TMEM132D: variants seen among roughly 807,000 people sequenced by gnomAD.
TMEM132D encodes the protein transmembrane protein 132D, also known as mature OL transmembrane protein.
In TMEM132D, 21 loss-of-function variants were observed where a neutral mutation model predicts 62.3. That is an observed-to-expected ratio of 0.34 (90% confidence interval 0.24 to 0.49). TMEM132D has a LOEUF of 0.49. Among genes scored for constraint, TMEM132D ranks in the 20% least tolerant of loss-of-function variants. TMEM132D has a pLI of 0.99. For missense variants in TMEM132D, 1,346 were observed against 1,402.8 expected (o/e 0.96, Z 0.65); for synonymous variants, 621 against 575.6 (o/e 1.08, Z -1.13).
chr12:129,874,901 T>A (rs1408472842), intron 1 of TMEM132D, among the ~76,000 whole-genome samples: 1 of 151,986 alleles, frequency 6.6e-6, no homozygotes, highest in Non-Finnish European at 1.5e-5. Context: ...GGTCTAGAAC[T>A]CCCGACCTCA....
intron 3 of TMEM132D, among the ~76,000 whole-genome samples, chr12:129,355,562 C>G (rs575146371): frequency 6.6e-6 from 1 of 152,224 alleles, no homozygotes; most frequent in Non-Finnish European, 1.5e-5. Context: ...AGTATCTGAA[C>G]GACCCTTTCC....
Position 129,073,617 on chromosome 12 carries a change from A to G in TMEM132D, c.*258T>C, listed in dbSNP as rs1273254880. 1 of 386,734 alleles carries G rather than the reference A, an allele frequency of 2.6e-6. No individual in the cohort carries two copies. Among genetic ancestry groups the G allele is most frequent in the African/African-American group, 2.1e-5 (1 of 48,466 alleles). The allele number at this position is 386,734 out of a possible 1,614,324, so 24.0% of individuals were successfully genotyped here. A position where few individuals can be genotyped will look rare whatever the true frequency, so the allele number is the denominator to read the frequency against. On this transcript the variant is annotated 3_prime_UTR_variant, in exon 9 of 9. Transcript: ENST00000422113. ...GCTCTCAGACGCTCAGTGATTCAGA[A>G]CTCGTTTTTGTTTCAAGTCTTAAAA...
In TMEM132D at chr12:129,356,698, A is replaced by T. The variant is rs183656124; in HGVS notation, c.1116-18881T>A. On this transcript the variant is annotated intron_variant, in intron 3 of 8. Coordinates refer to ENST00000422113, the MANE Select transcript of TMEM132D (RefSeq NM_133448.3). Reference sequence around the variant, plus strand: ...TAAATAAATAAATAAATAAATAAATAAAATAAAAATACAAAAATTAGCCAG... The same window carrying T: ...TAAATAAATAAATAAATAAATAAATTAAATAAAAATACAAAAATTAGCCAG... 4.9e-3 allele frequency among the ~76,000 whole-genome samples: 691 copies of T among 140,666 alleles called. 6 individuals carry two copies. Among genetic ancestry groups the T allele is most frequent in the African/African-American group, 0.017 (659 of 38,104 alleles). The allele number at this position is 140,666 out of a possible 152,430, so 92.3% of individuals were successfully genotyped here.
intron 5 of TMEM132D, among the ~76,000 whole-genome samples, chr12:129,129,907 A>G (rs936669119): frequency 6.6e-5 from 10 of 151,698 alleles, no homozygotes; most frequent in African/African-American, 2.2e-4. Context: ...ACATCCTCAT[A>G]TTTGCTTCTC....
At chr12:129,182,143 C>A (rs1363796575) in intron 5 of TMEM132D, among the ~76,000 whole-genome samples, 2 of 152,082 alleles carry the variant, frequency 1.3e-5, no homozygotes, top group African/African-American at 2.4e-5. Context: ...GAGTGGATCA[C>A]CTGGGGTCAG....
At chr12:129,392,545 C>A (rs1871315662) in intron 3 of TMEM132D, among the ~76,000 whole-genome samples, 1 of 152,198 alleles carries the variant, frequency 6.6e-6, no homozygotes, top group African/African-American at 2.4e-5. Flanking sequence ...CAACACCCTC[C>A]CTGTAAAAAA....
At chr12:129,653,541 C>A (rs145974401) in intron 2 of TMEM132D, among the ~76,000 whole-genome samples, 1,715 of 152,224 alleles carry the variant, frequency 0.011, 15 homozygotes, top group Middle Eastern at 0.044. Context: ...TCAGAGAAAC[C>A]AGCAGCGACT....
Position 129,530,992 on chromosome 12 carries a change from A to G in TMEM132D, c.1115+67T>C, listed in dbSNP as rs1243075686. ...GGAAATGGTTGTTAGCAATCTAGGA[A>G]AAAAAAAAAAAAATCAGGCCACATT... On this transcript the variant is annotated intron_variant, in intron 3 of 8. Transcript: ENST00000422113. 3 of 1,385,616 alleles carry G rather than the reference A, an allele frequency of 2.2e-6. No homozygotes were observed. The East Asian group carries it at 7.6e-5, about 35-fold the overall frequency. 85.8% of individuals were successfully genotyped at this position (1,385,616 alleles called of 1,614,324 possible).
At chr12:129,100,643 T>C (rs1253622037) in intron 5 of TMEM132D, among the ~76,000 whole-genome samples, 3 of 152,216 alleles carry the variant, frequency 2.0e-5, no homozygotes, top group Admixed American at 2.0e-4. Context: ...CAATAATTTT[T>C]TTCTGGAGTG....
intron 2 of TMEM132D, among the ~76,000 whole-genome samples, chr12:129,564,429 G>T (rs1445031763): frequency 6.6e-6 from 1 of 152,184 alleles, no homozygotes; most frequent in Non-Finnish European, 1.5e-5. Flanking sequence ...AATCATCTGG[G>T]ACAAGGTCAT....
At chr12:129,150,135 G>A (rs1253146799) in intron 5 of TMEM132D, among the ~76,000 whole-genome samples, 1 of 152,240 alleles carries the variant, frequency 6.6e-6, no homozygotes, top group Admixed American at 6.5e-5. Context: ...ACATATGTGG[G>A]TGCTGGGGCT....
At chr12:129,641,627 C>T (rs73157285) in intron 2 of TMEM132D, among the ~76,000 whole-genome samples, 22,337 of 152,184 alleles carry the variant, frequency 0.15, 2,096 homozygotes, top group Non-Finnish European at 0.21. Flanking sequence ...TCATGTTGGC[C>T]TAAGGTGGTT....
chr12:129,409,134 T>C (rs531150909), intron 3 of TMEM132D, among the ~76,000 whole-genome samples: 5 of 152,256 alleles, frequency 3.3e-5, no homozygotes, highest in African/African-American at 9.6e-5. Flanking sequence ...GGTTTCACCA[T>C]GTTGGCCAGG....
chr12:129,481,052 G>A (rs1190848966), intron 3 of TMEM132D, among the ~76,000 whole-genome samples: 1 of 152,054 alleles, frequency 6.6e-6, no homozygotes, highest in Non-Finnish European at 1.5e-5. Flanking sequence ...GAATCAGCCT[G>A]GGAAAGCACA....
chr12:129,696,003 T>C (rs1371096391), intron 2 of TMEM132D, among the ~76,000 whole-genome samples: 1 of 152,222 alleles, frequency 6.6e-6, no homozygotes, highest in Non-Finnish European at 1.5e-5. Context: ...ACATTTTACC[T>C]GAAATAGAAT....
At chr12:129,485,686 A>T (rs796294872) in intron 3 of TMEM132D, among the ~76,000 whole-genome samples, 1 of 152,210 alleles carries the variant, frequency 6.6e-6, no homozygotes. Context: ...CTCCACAGGA[A>T]CATGCCCCTT....
intron 5 of TMEM132D, among the ~76,000 whole-genome samples, chr12:129,199,134 G>A (rs1315178689): frequency 1.6e-5 from 2 of 127,592 alleles, no homozygotes; most frequent in African/African-American, 2.9e-5. Flanking sequence ...TTTTGAAACA[G>A]GGTCTCGCTC....
chr12:129,197,432 G>A (rs948735883), intron 5 of TMEM132D, among the ~76,000 whole-genome samples: 1 of 152,166 alleles, frequency 6.6e-6, no homozygotes, highest in Non-Finnish European at 1.5e-5. Context: ...CCCCAAAAAT[G>A]AGGATAAAAA....
intron 4 of TMEM132D, among the ~76,000 whole-genome samples, chr12:129,255,573 A>G (rs1880378405): frequency 6.6e-6 from 1 of 152,176 alleles, no homozygotes; most frequent in South Asian, 2.1e-4. Context: ...ATGTTCTAAA[A>G]CTACATGGGA....
Sources: gnomAD v4.1 joint callset for allele counts (sites outside exome capture counted in the v4.1 genomes callset) on GRCh38, gnomAD v4.1.1 for gene constraint, MANE v1.5 for transcripts, NCBI Gene and HGNC (gene_info 2026-07-23, HGNC 2026-07-21) for gene names.